Variants in NAA11 observed in about 807,000 individuals in gnomAD.
The protein encoded by NAA11 is N-alpha-acetyltransferase 11, NatA catalytic subunit, also known as N-alpha-acetyltransferase 11.
NAA11 carries 15 observed loss-of-function variants against 16.1 expected under a neutral mutation model. The observed-to-expected ratio is 0.93, with a 90% CI of 0.62 to 1.44. The LOEUF (loss-of-function observed/expected upper bound fraction) is 1.44. Ranked by LOEUF, NAA11 falls within the 40% of genes most tolerant of loss-of-function variation. The pLI is 0.00. For missense variants in NAA11, 298 were observed against 291.3 expected, an observed-to-expected ratio of 1.02 and a Z score of -0.17; for synonymous variants, 122 against 112.4, an observed-to-expected ratio of 1.09 and a Z score of -0.54.
At chr4:79,222,215 G>T (rs1721203743), downstream of NAA11, among the ~76,000 whole-genome samples, 1 of 152,186 alleles carries the variant, frequency 6.6e-6, no homozygotes, top group South Asian at 2.1e-4. Context: ...TGGGATCGGT[G>T]GTGACATCCC....
intron 2 of NAA11, among the ~76,000 whole-genome samples, chr4:79,253,817 G>T (rs1433934601): frequency 1.3e-5 from 2 of 152,214 alleles, no homozygotes; most frequent in African/African-American, 4.8e-5. Flanking sequence ...AGGATGATCT[G>T]TCATGCCTAG....
chr4:79,164,427 A>C, the NAA11 span, among the ~76,000 whole-genome samples: 1 of 152,318 alleles, frequency 6.6e-6, no homozygotes, highest in Middle Eastern at 3.4e-3. Context: ...GAGCAGACAA[A>C]CATTGAGGAC....
the NAA11 span, among the ~76,000 whole-genome samples, chr4:79,176,469 C>T: frequency 6.6e-6 from 1 of 152,010 alleles, no homozygotes; most frequent in South Asian, 2.1e-4. Context: ...GAAAGAGTTG[C>T]AGTTTGCGTC....
At chr4:79,316,299 T>A (rs551848739), downstream of NAA11, among the ~76,000 whole-genome samples, 13 of 152,226 alleles carry the variant, frequency 8.5e-5, no homozygotes, top group African/African-American at 3.1e-4. Context: ...TGAGATAGAA[T>A]ATTAAAAAGA....
chr4:79,267,787 GA>G (rs1261743973), intron 2 of NAA11, among the ~76,000 whole-genome samples: 1 of 152,064 alleles, frequency 6.6e-6, no homozygotes, highest in Non-Finnish European at 1.5e-5. Flanking sequence ...CAGCACTGGA[GA>G]GTTTTAGGGT....
chr4:79,204,329 T>C, the NAA11 span, among the ~76,000 whole-genome samples: 1 of 151,862 alleles, frequency 6.6e-6, no homozygotes, highest in African/African-American at 2.4e-5. Context: ...AACAATAAAA[T>C]TATAGATAAT....
the NAA11 span, among the ~76,000 whole-genome samples, chr4:79,165,648 C>T: frequency 1.3e-5 from 2 of 152,166 alleles, no homozygotes; most frequent in African/African-American, 2.4e-5. Flanking sequence ...CAATGTTCTT[C>T]TTTTTAAAAA....
Position 79,239,325 on chromosome 4 carries a change from AGTT to A in NAA11, c.*123-13058_*123-13056del, listed in dbSNP as rs1721640379. Among the ~76,000 whole-genome samples, 2 of 152,200 alleles carry A rather than the reference AGTT, an allele frequency of 1.3e-5. 1 individual carries two copies. Among genetic ancestry groups the A allele is most frequent in the African/African-American group, 4.8e-5 (2 of 41,454 alleles). On this transcript the variant is annotated intron_variant and NMD_transcript_variant, in intron 2 of 2. Coordinates refer to the NAA11 transcript ENST00000511542. Reference sequence around the variant, plus strand: ...TAAAGATATACATTAATTTATGTGCAGTTGTTAATAGTTTAGCTGGATGATCAG... The same window carrying A: ...TAAAGATATACATTAATTTATGTGCAGTTAATAGTTTAGCTGGATGATCAG...
the NAA11 span, among the ~76,000 whole-genome samples, chr4:79,185,115 A>G: frequency 6.6e-6 from 1 of 152,094 alleles, no homozygotes; most frequent in Non-Finnish European, 1.5e-5. Flanking sequence ...CAGGGCTACT[A>G]TAAGAGATTT....
the NAA11 span, among the ~76,000 whole-genome samples, chr4:79,162,815 A>G: frequency 2.6e-5 from 4 of 152,346 alleles, no homozygotes; most frequent in Admixed American, 6.5e-5. Context: ...AATACTGTAA[A>G]ATGTATCTCC....
the NAA11 span, among the ~76,000 whole-genome samples, chr4:79,164,585 T>C: frequency 6.6e-6 from 1 of 152,164 alleles, no homozygotes; most frequent in African/African-American, 2.4e-5. Context: ...TGGGAAACAC[T>C]GCTAAACAGC....
chr4:79,185,173 G>A, the NAA11 span, among the ~76,000 whole-genome samples: 14 of 151,768 alleles, frequency 9.2e-5, no homozygotes, highest in African/African-American at 2.9e-4. Context: ...AGTAGTTAAC[G>A]TTGTATACCT....
intron 1 of NAA11, among the ~76,000 whole-genome samples, chr4:79,300,611 C>G (rs779730071): frequency 6.6e-6 from 1 of 152,278 alleles, no homozygotes; most frequent in Non-Finnish European, 1.5e-5. Context: ...ATGGGAAAGA[C>G]AAGCAAGTAC....
In NAA11 at chr4:79,311,372, TAA is replaced by T. The variant is rs1723764779; in HGVS notation, c.*12+13802_*12+13803del. 2.6e-5 allele frequency among the ~76,000 whole-genome samples: 4 copies of T among 152,314 alleles called. No homozygotes were observed. The South Asian group carries it at 6.2e-4, about 24-fold the overall frequency. On this transcript the variant is annotated intron_variant and NMD_transcript_variant, in intron 1 of 2. Transcript: ENST00000511542. ...AACAGAGGATCCAATACAACTGTCA[TAA>T]AGTCTTTTTTTCACCTTGCCTTTAT...
At chr4:79,238,301 A>C (rs1365257509) in intron 2 of NAA11, among the ~76,000 whole-genome samples, 1 of 152,208 alleles carries the variant, frequency 6.6e-6, no homozygotes, top group Non-Finnish European at 1.5e-5. Context: ...CATGTGATTT[A>C]ATTTAGATTT....
the NAA11 span, among the ~76,000 whole-genome samples, chr4:79,193,356 A>G: frequency 4.7e-4 from 72 of 152,208 alleles, no homozygotes; most frequent in African/African-American, 1.6e-3. Flanking sequence ...TTATGGTTTT[A>G]GGTCTAACAT....
At chr4:79,158,990 G>A in the NAA11 span, among the ~76,000 whole-genome samples, 1 of 152,030 alleles carries the variant, frequency 6.6e-6, no homozygotes, top group Admixed American at 6.6e-5. Flanking sequence ...AATTCTAGAA[G>A]ACCACATTGG....
downstream of NAA11, among the ~76,000 whole-genome samples, chr4:79,223,551 C>G (rs187274114): frequency 6.7e-6 from 1 of 148,706 alleles, no homozygotes; most frequent in East Asian, 2.0e-4. Context: ...TGCTAGATGA[C>G]GAGTTAGTGG....
chr4:79,210,498 G>C, the NAA11 span, among the ~76,000 whole-genome samples: 1 of 152,024 alleles, frequency 6.6e-6, no homozygotes, highest in Non-Finnish European at 1.5e-5. Flanking sequence ...GATCATAATG[G>C]CTTCACCACG....
Sources: allele counts gnomAD v4.1 joint callset (sites outside exome capture counted in the v4.1 genomes callset), GRCh38; gene constraint gnomAD v4.1.1; transcripts MANE v1.5; gene names NCBI Gene and HGNC (gene_info 2026-07-23, HGNC 2026-07-21).